Variants in MAPK8IP3 observed in about 807,000 individuals in gnomAD.
MAPK8IP3 encodes the protein C-Jun-amino-terminal kinase-interacting protein 3.
MAPK8IP3 carries 49 observed loss-of-function variants against 157.8 expected under a neutral mutation model. The observed-to-expected ratio is 0.31, with a 90% CI of 0.25 to 0.39. The LOEUF is 0.39. Ranked by LOEUF, MAPK8IP3 falls within the 10% of genes least tolerant of loss-of-function variation. The pLI is 1.00. For synonymous variants in MAPK8IP3, 897 were observed against 777.7 expected, an observed-to-expected ratio of 1.15 and a Z score of -2.55; for missense variants, 1,478 against 1,889.4, an observed-to-expected ratio of 0.78 and a Z score of 4.04.
chr16:1,760,203 G>C, intron 11 of MAPK8IP3, 177 bp from the exon 12 acceptor site: 1 of 959,394 alleles, frequency 1.0e-6, no homozygotes, highest in South Asian at 1.6e-5. Flanking sequence ...GTCTCCAGGA[G>C]CCTCTAACAA....
chr16:1,755,091 A>G (rs2041518628), intron 8 of MAPK8IP3, among the ~76,000 whole-genome samples: 1 of 152,258 alleles, frequency 6.6e-6, no homozygotes, highest in Non-Finnish European at 1.5e-5. Context: ...AAAAGCTTGC[A>G]GGATTCCACA....
intron 18 of MAPK8IP3, 33 bp from the exon 19 acceptor site, chr16:1,764,268 C>T (rs1596792478): frequency 2.5e-6 from 4 of 1,590,110 alleles, no homozygotes; most frequent in South Asian, 1.1e-5. Context: ...TGGGGAGTGC[C>T]GGTGACACCC....
rs1490876846 is a variant in MAPK8IP3 at position 1,768,346 on chromosome 16, G to A, written c.3710G>A (p.Arg1237His). Reference protein sequence around the residue: ...AQAQLCFHGHRDAVKFFVSVP... With the variant: ...AQAQLCFHGHHDAVKFFVSVP... The stretch of plus-strand genomic sequence containing the variant: ...GCCCAGCTATGCTTCCATGGGCACC[G>A]CGATGCCGTGAAGTTCTTTGTCTCG... The change falls in exon 30 of 32, where the codon CGC becomes CAC. Residue 1237 changes from arginine (R) to histidine (H), a missense_variant. Physicochemically the swap from Arg to His is conservative, Grantham distance 29. Transcript: ENST00000610761. 1.9e-6 allele frequency: 3 copies of A among 1,604,802 alleles called. No individual in the cohort carries two copies. Among genetic ancestry groups the A allele is most frequent in the Non-Finnish European group, 2.5e-6 (3 of 1,179,818 alleles).
chr16:1,756,459 C>T (rs999087893), intron 8 of MAPK8IP3, among the ~76,000 whole-genome samples: 5 of 151,768 alleles, frequency 3.3e-5, no homozygotes, highest in African/African-American at 1.2e-4. Flanking sequence ...TTCACTCCAA[C>T]GTGGGTGACA....
chr16:1,739,061 AGCG>A (rs1439441477), intron 4 of MAPK8IP3, among the ~76,000 whole-genome samples: 1 of 107,658 alleles, frequency 9.3e-6, no homozygotes. Flanking sequence ...TGAGCGTGTG[AGCG>A]TCCGTGTGAG....
rs2141921623 is a variant in MAPK8IP3 at position 1,761,155 on chromosome 16, C to G, written c.1458-69C>G. 3 of 1,290,198 alleles carry G rather than the reference C, an allele frequency of 2.3e-6. No homozygotes were observed. The East Asian group carries it at 6.9e-5, about 30-fold the overall frequency. 79.9% of individuals were successfully genotyped at this position (1,290,198 alleles called of 1,614,324 possible). ...CAAGGACACAGGTTCGGGGCGGGCA[C>G]TGCCCGCTATGTGTTCCCGAGGCCC... is the stretch of plus-strand genomic sequence containing the variant. On this transcript the variant is annotated intron_variant, in intron 12 of 31. Transcript: ENST00000610761.
In MAPK8IP3 at chr16:1,764,469, G is replaced by T; in HGVS notation, c.2280+10G>T. ...TCCCGAGAAGAAGAAGGTGAGCATG[G>T]CCGAGGCCACCGGGCACCCTCCCTG... On this transcript the variant is annotated intron_variant, in intron 19 of 31. Transcript: ENST00000610761. 6.2e-7 allele frequency: 1 copy of T among 1,606,864 alleles called. No homozygotes were observed. The highest frequency in any genetic ancestry group is 8.5e-7 in the Non-Finnish European group (1 of 1,178,224).
intron 4 of MAPK8IP3, among the ~76,000 whole-genome samples, chr16:1,729,958 T>C (rs1397144854): frequency 7.2e-6 from 1 of 138,756 alleles, no homozygotes; most frequent in Non-Finnish European, 1.5e-5. Flanking sequence ...CCTGTAATCC[T>C]AGAACTTTGG....
At chr16:1,715,832 G>A (rs1457974041) in intron 1 of MAPK8IP3, among the ~76,000 whole-genome samples, 2 of 151,682 alleles carry the variant, frequency 1.3e-5, no homozygotes, top group Non-Finnish European at 2.9e-5. Flanking sequence ...GGGTTCAAGC[G>A]ATTCTGCCTC....
chr16:1,706,300 G>T lies in MAPK8IP3; in HGVS notation c.-40G>T. ...GCAGCTGGGGAGGGCCGGGCGCGCCGGCCGGATAGCGAGCCGCGCTGGCGG... is the reference window on the plus strand; with the variant it reads ...GCAGCTGGGGAGGGCCGGGCGCGCCTGCCGGATAGCGAGCCGCGCTGGCGG... On this transcript the variant is annotated 5_prime_UTR_variant, in exon 1 of 32. Transcript: ENST00000610761. This position sits in a 1 kb window ranked among gnomAD's most constrained non-coding sequence, Gnocchi z 5.1. 6.7e-7 allele frequency: 1 copy of T among 1,500,346 alleles called. No homozygotes were observed. The allele number at this position is 1,500,346 out of a possible 1,614,324, so 92.9% of individuals were successfully genotyped here. A position where few individuals can be genotyped will look rare whatever the true frequency, so the allele number is the denominator to read the frequency against.
At chr16:1,747,334 G>T in intron 6 of MAPK8IP3, 59 bp downstream of exon 6, 2 of 1,583,106 alleles carry the variant, frequency 1.3e-6, no homozygotes, top group Middle Eastern at 1.7e-4. Flanking sequence ...GCTTGGTTTG[G>T]GTAGATGTGA....
intron 23 of MAPK8IP3, 28 bp from the exon 24 acceptor site, chr16:1,766,695 C>T (rs765988491): frequency 1.6e-5 from 26 of 1,612,452 alleles, no homozygotes; most frequent in Admixed American, 3.3e-5. Flanking sequence ...TGGGTGAGCC[C>T]CTCGCCCATC....
At chr16:1,759,849 C>T (rs1033334908) in intron 10 of MAPK8IP3, 109 bp from the exon 11 acceptor site, 10 of 986,842 alleles carry the variant, frequency 1.0e-5, no homozygotes, top group African/African-American at 3.2e-5. Context: ...GGGCGTCATC[C>T]CCAGCCAGGC....
Position 1,769,027 on chromosome 16 carries a change from C to T in MAPK8IP3, c.*203C>T. 1 of 614,990 alleles carries T rather than the reference C, an allele frequency of 1.6e-6. No individual in the cohort carries two copies. The allele number at this position is 614,990 out of a possible 1,614,324, so 38.1% of individuals were successfully genotyped here. A position where few individuals can be genotyped will look rare whatever the true frequency, so the allele number is the denominator to read the frequency against. Reference sequence around the variant, plus strand: ...GAGGAGGAGGGGAGGGGAACTTCCACCCGAGGGGAAGATGCTCTCGGGACA... The same window carrying T: ...GAGGAGGAGGGGAGGGGAACTTCCATCCGAGGGGAAGATGCTCTCGGGACA... On this transcript the variant is annotated 3_prime_UTR_variant, in exon 32 of 32. Coordinates refer to ENST00000610761, the MANE Select transcript of MAPK8IP3 (RefSeq NM_001318852.2).
In MAPK8IP3 at chr16:1,738,031, C is replaced by T. The variant is rs1172895410; in HGVS notation, c.603-5301C>T. Among the ~76,000 whole-genome samples the T allele has an allele frequency of 1.9e-4, 12 of 63,692 alleles. 1 individual carries two copies. The highest frequency in any genetic ancestry group is 4.0e-4 in the African/African-American group (6 of 14,896). 41.8% of individuals were successfully genotyped at this position (63,692 alleles called of 152,430 possible). A position where few individuals can be genotyped will look rare whatever the true frequency, so the allele number is the denominator to read the frequency against. ...CTGTGTGACCGTCCGTGTGAGCATCCGTGTGAGCGTGTGACCGTCCGTGTG... is the reference window on the plus strand; with the variant it reads ...CTGTGTGACCGTCCGTGTGAGCATCTGTGTGAGCGTGTGACCGTCCGTGTG... On this transcript the variant is annotated intron_variant, in intron 4 of 31. Transcript: ENST00000610761.
chr16:1,763,103 G>T, intron 16 of MAPK8IP3, 97 bp downstream of exon 16: 1 of 1,512,924 alleles, frequency 6.6e-7, no homozygotes, highest in East Asian at 2.3e-5. Context: ...GGGACTTTGA[G>T]GGCAGCCTCC....
chr16:1,724,785 C>T lies in MAPK8IP3; in HGVS notation c.439+108C>T. 7.0e-7 allele frequency: 1 copy of T among 1,421,512 alleles called. No homozygotes were observed. Among genetic ancestry groups the T allele is most frequent in the Non-Finnish European group, 9.5e-7 (1 of 1,053,678 alleles). The allele number at this position is 1,421,512 out of a possible 1,614,324, so 88.1% of individuals were successfully genotyped here. ...TTCCACACAAGGGGACGAGAGGAAG[C>T]CCAGTGGGAGCCTCAGCCATGTATT... On this transcript the variant is annotated intron_variant, in intron 2 of 31. Transcript: ENST00000610761. This position sits in a 1 kb window ranked among gnomAD's most constrained non-coding sequence, Gnocchi z 4.1.
intron 12 of MAPK8IP3, among the ~76,000 whole-genome samples, chr16:1,760,898 G>GT (rs2041895900): frequency 6.6e-6 from 1 of 152,196 alleles, no homozygotes; most frequent in Non-Finnish European, 1.5e-5. Context: ...CCATGCCTCT[G>GT]CCTAAGAAGG....
chr16:1,719,685 A>C (rs968947645), intron 1 of MAPK8IP3, among the ~76,000 whole-genome samples: 5 of 151,422 alleles, frequency 3.3e-5, no homozygotes, highest in African/African-American at 1.2e-4. Flanking sequence ...AAAAAAAAAA[A>C]AACCACAAAA....
Sources: allele counts gnomAD v4.1 joint callset (sites outside exome capture counted in the v4.1 genomes callset), GRCh38; gene constraint gnomAD v4.1.1; non-coding constraint Gnocchi (gnomAD v3.1); transcripts MANE v1.5; gene names NCBI Gene and HGNC (gene_info 2026-07-23, HGNC 2026-07-21).